The following SSUH2 variants were observed in gnomAD, a reference collection of about 807,000 sequenced individuals.
SSUH2 encodes protein SSUH2 homolog.
Under a neutral mutation model 55.3 loss-of-function variants are expected in SSUH2, and 47 were observed. The observed-to-expected ratio is 0.85, with a 90% CI of 0.67 to 1.08. The LOEUF is 1.08. SSUH2 is among the 50% of genes least tolerant of loss of function. The pLI, the probability that SSUH2 is intolerant of heterozygous loss-of-function variation, is 0.00. For missense variants in SSUH2, 535 were observed against 490.7 expected, an observed-to-expected ratio of 1.09 and a Z score of -0.85; for synonymous variants, 212 against 191.5, an observed-to-expected ratio of 1.11 and a Z score of -0.89.
chr3:8,676,714 C>T (rs1190320064), intron 3 of SSUH2, among the ~76,000 whole-genome samples: 1 of 98,162 alleles, frequency 1.0e-5, no homozygotes, highest in Non-Finnish European at 2.6e-5. Context: ...TGGGTGAACA[C>T]AGCCTGCGAT....
chr3:8,664,846 A>C (rs1310234620), intron 5 of SSUH2, among the ~76,000 whole-genome samples: 1 of 152,236 alleles, frequency 6.6e-6, no homozygotes, highest in African/African-American at 2.4e-5. Context: ...GGTCATTAAG[A>C]TCAACACCAA....
Position 8,678,628 on chromosome 3 carries a change from T to TCAC in SSUH2, c.-901+1076_-901+1077insGTG, listed in dbSNP as rs1559564852. Among the ~76,000 whole-genome samples, 71 of 32,036 alleles carry TCAC rather than the reference T, an allele frequency of 2.2e-3. 4 individuals carry two copies. The highest frequency in any genetic ancestry group is 0.062 in the Middle Eastern group (2 of 32). The allele number at this position is 32,036 out of a possible 152,430, so 21.0% of individuals were successfully genotyped here. Reference sequence around the variant, plus strand: ...AGCCAGCCCTTCTTCCCCCCCGGCTTTTGGGACCCCCATCGCAGTGGGGGG... The same window carrying TCAC: ...AGCCAGCCCTTCTTCCCCCCCGGCTTCACTTGGGACCCCCATCGCAGTGGGGGG... On this transcript the variant is annotated intron_variant, in intron 2 of 18. Transcript: ENST00000317371.
Position 8,619,733 on chromosome 3 carries a change from G to T in SSUH2, c.*135C>A. The stretch of plus-strand genomic sequence containing the variant: ...GGGGTTGGAGCTTGATAGATGATAA[G>T]CTGGTTTTTCTGGAAGGACATGCCA... On this transcript the variant is annotated 3_prime_UTR_variant, in exon 12 of 12. Transcript: ENST00000544814. 9.9e-7 allele frequency: 1 copy of T among 1,013,556 alleles called. No individual in the cohort carries two copies. The highest frequency in any genetic ancestry group is 1.6e-5 in the African/African-American group (1 of 62,394). 62.8% of individuals were successfully genotyped at this position (1,013,556 alleles called of 1,614,324 possible).
chr3:8,676,228 G>A (rs1705245376), intron 3 of SSUH2, among the ~76,000 whole-genome samples: 3 of 152,032 alleles, frequency 2.0e-5, no homozygotes, highest in South Asian at 4.2e-4. Context: ...TGTACAGAGG[G>A]TGTACACCCG....
In SSUH2 at chr3:8,672,525, CCT is replaced by C. The variant is rs748508377; in HGVS notation, c.-752-492_-752-491del. Among the ~76,000 whole-genome samples the C allele has an allele frequency of 3.9e-5, 6 of 152,008 alleles. No homozygotes were observed. In the East Asian group the frequency reaches 1.2e-3, roughly 29 times the overall value. Reference sequence around the variant, plus strand: ...AATATCACAGACTGGATGTACACCCCCTGCCATATTGGGAGTCTTATCAGCCT... The same window carrying C: ...AATATCACAGACTGGATGTACACCCCGCCATATTGGGAGTCTTATCAGCCT... On this transcript the variant is annotated intron_variant, in intron 3 of 18. Transcript: ENST00000317371.
chr3:8,681,082 AGGGGGGAGAG>A, intron 1 of SSUH2, among the ~76,000 whole-genome samples: 2 of 99,466 alleles, frequency 2.0e-5, no homozygotes, highest in East Asian at 5.3e-4. Flanking sequence ...CTTCCATAGC[AGGGGGGAGAG>A]GCACCCCCGC....
In SSUH2 at chr3:8,620,385, C is replaced by T. The variant is rs577209707; in HGVS notation, c.982-371G>A. On this transcript the variant is annotated intron_variant, in intron 11 of 11. Coordinates refer to ENST00000544814, the MANE Select transcript of SSUH2 (RefSeq NM_001256748.3). ...GCCTTTGCCATTCCTCTGCCTCCCG[C>T]CATGATTGTGAGGGCTCCCCAGCCA... Among the ~76,000 whole-genome samples the T allele has an allele frequency of 2.0e-5, 3 of 152,302 alleles. No homozygotes were observed. In the East Asian group the frequency reaches 5.8e-4, roughly 29 times the overall value.
At chr3:8,631,031 G>A in intron 5 of SSUH2, 102 bp from the exon 6 acceptor site, 2 of 1,210,808 alleles carry the variant, frequency 1.7e-6, no homozygotes, top group Non-Finnish European at 2.1e-6. Flanking sequence ...TGCCAGGCAT[G>A]AGTCTAGATC....
At chr3:8,635,268 C>T in intron 3 of SSUH2, 32 bp downstream of exon 3, 1 of 1,500,810 alleles carries the variant, frequency 6.7e-7, no homozygotes, top group Non-Finnish European at 8.9e-7. Context: ...ATAGGAAATG[C>T]ACACAGTCAC....
At chr3:8,633,642 C>G (rs1165006877) in intron 4 of SSUH2, 24 bp downstream of exon 4, 2 of 1,496,692 alleles carry the variant, frequency 1.3e-6, no homozygotes, top group Non-Finnish European at 1.8e-6. Flanking sequence ...CGGCCAAGGC[C>G]CCCCACCGGC....
chr3:8,673,602 T>A (rs1325715558), intron 3 of SSUH2, among the ~76,000 whole-genome samples: 8 of 152,204 alleles, frequency 5.3e-5, no homozygotes, highest in Admixed American at 3.9e-4. Flanking sequence ...CTGGGTTGAT[T>A]GCCATCGGTT....
intron 1 of SSUH2, among the ~76,000 whole-genome samples, chr3:8,640,917 TG>T (rs1241466346): frequency 7.2e-5 from 11 of 152,248 alleles, no homozygotes; most frequent in Non-Finnish European, 1.6e-4. Flanking sequence ...TTCAATTATT[TG>T]AAATATGAAA....
chr3:8,662,054 A>G (rs962059238), intron 6 of SSUH2, among the ~76,000 whole-genome samples: 2 of 152,178 alleles, frequency 1.3e-5, no homozygotes, highest in African/African-American at 4.8e-5. Flanking sequence ...CTGTGGATCC[A>G]TTAAACCTTC....
chr3:8,673,081 C>A (rs1448590295), intron 3 of SSUH2, among the ~76,000 whole-genome samples: 1 of 151,820 alleles, frequency 6.6e-6, no homozygotes, highest in Non-Finnish European at 1.5e-5. Flanking sequence ...ATTAAGAAAT[C>A]ATTGCTAATA....
intron 6 of SSUH2, chr3:8,663,592 T>C (rs1025076943): frequency 1.1e-5 from 3 of 262,704 alleles, no homozygotes; most frequent in Admixed American, 4.9e-5. Context: ...TGGCTGGGTG[T>C]GATATCTCCA....
At chr3:8,631,359 A>G (rs1208134803) in intron 5 of SSUH2, among the ~76,000 whole-genome samples, 1 of 152,162 alleles carries the variant, frequency 6.6e-6, no homozygotes, top group Admixed American at 6.5e-5. Context: ...CCCCTTCACC[A>G]TCCCATCTTC....
Position 8,678,727 on chromosome 3 carries a change from G to C in SSUH2, c.-901+978C>G, listed in dbSNP as rs375355677. On this transcript the variant is annotated intron_variant, in intron 2 of 18. Transcript: ENST00000317371. ...CTGGGTCTTAGGACCCCCAACGTGG[G>C]GGGGGGAGGCACCACACGCGAGGCG... Among the ~76,000 whole-genome samples the C allele has an allele frequency of 8.2e-5, 6 of 73,356 alleles. 2 individuals are homozygous for C. Among genetic ancestry groups the C allele is most frequent in the Non-Finnish European group, 1.8e-4 (6 of 32,598 alleles). The allele number at this position is 73,356 out of a possible 152,430, so 48.1% of individuals were successfully genotyped here.
chr3:8,621,905 G>A lies in SSUH2; in HGVS notation c.981+1644C>T, dbSNP rs185184655. ...GATTTTTCTATTAAGATCCAATGGA[G>A]AGCATGGCAATACCAGCCCCCCCAC... is the stretch of plus-strand genomic sequence containing the variant. On this transcript the variant is annotated intron_variant, in intron 11 of 11. Transcript: ENST00000544814. Among the ~76,000 whole-genome samples the A allele has an allele frequency of 4.6e-5, 7 of 152,270 alleles. No individual in the cohort carries two copies. The East Asian group carries it at 1.4e-3, about 29-fold the overall frequency.
At chr3:8,681,418 GA>G (rs1175008780) in intron 1 of SSUH2, among the ~76,000 whole-genome samples, 1 of 143,302 alleles carries the variant, frequency 7.0e-6, no homozygotes, top group Non-Finnish European at 1.5e-5. Flanking sequence ...CACCCCCGGC[GA>G]GCCCGGGACT....
Sources: gnomAD v4.1 joint callset for allele counts (sites outside exome capture counted in the v4.1 genomes callset) on GRCh38, gnomAD v4.1.1 for gene constraint, MANE v1.5 for transcripts, NCBI Gene and HGNC (gene_info 2026-07-23, HGNC 2026-07-21) for gene names.